LDLRAD3: variants seen among roughly 807,000 people sequenced by gnomAD.
LDLRAD3 encodes the protein low density lipoprotein receptor class A domain containing 3, also known as low-density lipoprotein receptor class A domain-containing protein 3.
Under a neutral mutation model 29.4 loss-of-function variants are expected in LDLRAD3, and 20 were observed. The ratio of observed to expected loss-of-function variants is 0.68; its 90% CI spans 0.48 to 0.99. The LOEUF (loss-of-function observed/expected upper bound fraction) is 0.99. Among genes scored for constraint, LDLRAD3 ranks in the 50% least tolerant of loss-of-function variants. The probability of loss-of-function intolerance (pLI) is 0.00; values close to 1 mark genes in which losing one functional copy is unlikely to be tolerated. For synonymous variants in LDLRAD3, 157 were observed against 192.7 expected (o/e 0.81, Z 1.53); for missense variants, 420 against 454.3 (o/e 0.92, Z 0.69).
chr11:36,024,188 A>G lies in LDLRAD3; in HGVS notation c.47-11915A>G, dbSNP rs113503271. Among the ~76,000 whole-genome samples, 159 of 152,296 alleles carry G rather than the reference A, an allele frequency of 1.0e-3. 1 individual carries two copies. The highest frequency in any genetic ancestry group is 3.5e-3 in the African/African-American group (145 of 41,558). On this transcript the variant is annotated intron_variant, in intron 1 of 5. Transcript: ENST00000315571. Reference sequence around the variant, plus strand: ...TGACTCAGAGAGTCCGTAAGAATGTATGGAGGGAAGGAAGGAGTAACATAT... The same window carrying G: ...TGACTCAGAGAGTCCGTAAGAATGTGTGGAGGGAAGGAAGGAGTAACATAT...
intron 4 of LDLRAD3, among the ~76,000 whole-genome samples, chr11:36,151,044 A>G (rs565674202): frequency 6.6e-6 from 1 of 152,154 alleles, no homozygotes; most frequent in Non-Finnish European, 1.5e-5. Context: ...ACATGCACCC[A>G]TAGGCACCTC....
In LDLRAD3 at chr11:36,103,813, T is replaced by A. The variant is rs1376321526; in HGVS notation, c.454+5352T>A. On this transcript the variant is annotated intron_variant, in intron 4 of 5. Transcript: ENST00000315571. ...TCATGTTCCATGTTTGTGACTGGCT[T>A]ATTTCACTTAGCATAATGTCCTCAC... Among the ~76,000 whole-genome samples the A allele has an allele frequency of 2.0e-5, 3 of 152,216 alleles. No homozygotes were observed. The East Asian group carries it at 5.8e-4, about 29-fold the overall frequency.
At chr11:36,106,131 G>A (rs555498557) in intron 4 of LDLRAD3, among the ~76,000 whole-genome samples, 10 of 152,276 alleles carry the variant, frequency 6.6e-5, no homozygotes, top group African/African-American at 1.9e-4. Context: ...GTAAAGAATC[G>A]CCTTGGTAGG....
intron 1 of LDLRAD3, among the ~76,000 whole-genome samples, chr11:35,999,460 C>G (rs977122573): frequency 2.6e-5 from 4 of 152,188 alleles, no homozygotes; most frequent in Non-Finnish European, 1.5e-5. Context: ...ACAAGCCTCT[C>G]CAGAACCGAG....
At chr11:36,226,472 G>A (rs371192222) in intron 4 of LDLRAD3, among the ~76,000 whole-genome samples, 2 of 152,190 alleles carry the variant, frequency 1.3e-5, no homozygotes, top group African/African-American at 4.8e-5. Context: ...TCTGCTACAA[G>A]AACTCTCACT....
At chr11:36,159,429 A>G (rs1233679582) in intron 4 of LDLRAD3, among the ~76,000 whole-genome samples, 1 of 151,642 alleles carries the variant, frequency 6.6e-6, no homozygotes, top group Non-Finnish European at 1.5e-5. Flanking sequence ...TGAGCACGCC[A>G]CTGGACTCCA....
At chr11:36,080,681 A>T (rs1480718199) in intron 2 of LDLRAD3, among the ~76,000 whole-genome samples, 1 of 152,196 alleles carries the variant, frequency 6.6e-6, no homozygotes, top group Non-Finnish European at 1.5e-5. Context: ...GACTCAGTAT[A>T]TGATCATACT....
At chr11:35,962,276 C>A (rs1236736763) in intron 1 of LDLRAD3, among the ~76,000 whole-genome samples, 3 of 152,052 alleles carry the variant, frequency 2.0e-5, no homozygotes, top group African/African-American at 7.3e-5. Context: ...TCTTTCATGA[C>A]CTAGGACATA....
intron 4 of LDLRAD3, among the ~76,000 whole-genome samples, chr11:36,123,935 G>GT (rs1407165342): frequency 1.3e-5 from 2 of 152,228 alleles, no homozygotes; most frequent in Admixed American, 6.5e-5. Flanking sequence ...CAAAATTACC[G>GT]TAAGTCAGCG....
chr11:36,211,704 T>C (rs990392052), intron 4 of LDLRAD3, among the ~76,000 whole-genome samples: 2 of 152,220 alleles, frequency 1.3e-5, no homozygotes, highest in Non-Finnish European at 2.9e-5. Flanking sequence ...TTAATGATGA[T>C]ACTTGCTTTC....
chr11:36,067,870 A>G (rs1478694622), intron 2 of LDLRAD3, among the ~76,000 whole-genome samples: 5 of 152,010 alleles, frequency 3.3e-5, no homozygotes, highest in African/African-American at 9.7e-5. Context: ...AGGTTTCACC[A>G]TGTTGCTCAG....
chr11:36,105,205 T>TTG (rs10565208), intron 4 of LDLRAD3, among the ~76,000 whole-genome samples: 5,401 of 138,418 alleles, frequency 0.039, 165 homozygotes, highest in African/African-American at 0.08. Context: ...TCTGCAGAAT[T>TTG]TGTGTGTGTG....
chr11:35,949,388 G>T (rs1218365353), intron 1 of LDLRAD3, among the ~76,000 whole-genome samples: 1 of 152,202 alleles, frequency 6.6e-6, no homozygotes. Context: ...AGCACAAGCT[G>T]CCAGATTGCC....
At chr11:36,142,577 C>G (rs193249170) in intron 4 of LDLRAD3, among the ~76,000 whole-genome samples, 1,956 of 152,256 alleles carry the variant, frequency 0.013, 51 homozygotes, top group African/African-American at 0.044. Context: ...AACCCACTGT[C>G]TGGTTCCCGC....
chr11:36,153,894 G>C (rs940641118), intron 4 of LDLRAD3, among the ~76,000 whole-genome samples: 1 of 152,082 alleles, frequency 6.6e-6, no homozygotes, highest in African/African-American at 2.4e-5. Context: ...AGGTAGGCGG[G>C]CCATGGGAAA....
At chr11:36,032,251 A>C (rs1852244656) in intron 1 of LDLRAD3, among the ~76,000 whole-genome samples, 1 of 152,208 alleles carries the variant, frequency 6.6e-6, no homozygotes, top group Admixed American at 6.5e-5. Flanking sequence ...GATGAAAGGT[A>C]GGTGGAAGAA....
chr11:35,980,130 A>G (rs1389173268), intron 1 of LDLRAD3, among the ~76,000 whole-genome samples: 2 of 152,240 alleles, frequency 1.3e-5, no homozygotes, highest in African/African-American at 2.4e-5. Flanking sequence ...ATCAGTTTGC[A>G]TAATGCTGAT....
At chr11:35,999,094 G>A (rs755297636) in intron 1 of LDLRAD3, among the ~76,000 whole-genome samples, 1 of 152,180 alleles carries the variant, frequency 6.6e-6, no homozygotes. Flanking sequence ...ATTCAGTCAC[G>A]AAACATCGAT....
At chr11:36,116,364 C>T (rs1467985254) in intron 4 of LDLRAD3, among the ~76,000 whole-genome samples, 6 of 151,914 alleles carry the variant, frequency 3.9e-5, no homozygotes, top group African/African-American at 1.2e-4. Context: ...CCTGGCCTAA[C>T]AAAAAAAGGA....
Sources: allele counts gnomAD v4.1 joint callset (sites outside exome capture counted in the v4.1 genomes callset), GRCh38; gene constraint gnomAD v4.1.1; transcripts MANE v1.5; gene names NCBI Gene and HGNC (gene_info 2026-07-23, HGNC 2026-07-21).